The following AIM2 variants were observed in gnomAD, a reference collection of about 807,000 sequenced individuals.
The protein encoded by AIM2 is absent in melanoma 2.
AIM2 carries 30 observed loss-of-function variants against 27.7 expected under a neutral mutation model. The observed-to-expected ratio is 1.08, with a 90% CI of 0.81 to 1.47. The LOEUF is 1.47. AIM2 is among the 40% of genes most tolerant of loss of function. The pLI is 0.00. For missense variants in AIM2, 358 were observed against 411.3 expected (o/e 0.87, Z 1.12); for synonymous variants, 141 against 145.3 (o/e 0.97, Z 0.21).
At chr1:159,078,174 C>A (rs974370306), upstream of AIM2, among the ~76,000 whole-genome samples, 2 of 152,186 alleles carry the variant, frequency 1.3e-5, no homozygotes, top group African/African-American at 4.8e-5. Context: ...CCCACATTAT[C>A]TTTTCCCACA....
chr1:159,138,891 T>C (rs3026921), intron 1 of AIM2, among the ~76,000 whole-genome samples: 19,009 of 152,270 alleles, frequency 0.12, 1,608 homozygotes, highest in South Asian at 0.31. Flanking sequence ...ATTTGAGTCC[T>C]ACAGTGAAGT....
chr1:159,131,339 T>C (rs1052945669), intron 1 of AIM2, among the ~76,000 whole-genome samples: 2 of 152,174 alleles, frequency 1.3e-5, no homozygotes, highest in African/African-American at 2.4e-5. Flanking sequence ...ATGACTGAAT[T>C]TGTGCATATA....
intron 1 of AIM2, among the ~76,000 whole-genome samples, chr1:159,102,429 C>G (rs920767061): frequency 6.6e-6 from 1 of 152,254 alleles, no homozygotes; most frequent in African/African-American, 2.4e-5. Context: ...AGAGTCCCTA[C>G]TGGGGCACTG....
intron 2 of AIM2, among the ~76,000 whole-genome samples, chr1:159,069,352 T>C (rs1405693772): frequency 6.6e-6 from 1 of 152,110 alleles, no homozygotes; most frequent in Non-Finnish European, 1.5e-5. Context: ...AGGCTTATAA[T>C]GTACATAAAT....
intron 1 of AIM2, among the ~76,000 whole-genome samples, chr1:159,093,412 T>C (rs185160590): frequency 3.3e-5 from 5 of 152,180 alleles, no homozygotes; most frequent in African/African-American, 7.2e-5. Context: ...GCTGGTAGCA[T>C]AGGGAGATAC....
At chr1:159,064,055 G>A (rs1305874040) in intron 4 of AIM2, among the ~76,000 whole-genome samples, 1 of 152,140 alleles carries the variant, frequency 6.6e-6, no homozygotes, top group East Asian at 1.9e-4. Flanking sequence ...TATGTGTTAA[G>A]TGACTGCTTA....
chr1:159,058,598 G>A (rs1464536744), downstream of AIM2, among the ~76,000 whole-genome samples: 2 of 152,024 alleles, frequency 1.3e-5, no homozygotes, highest in African/African-American at 4.8e-5. Flanking sequence ...CGGGGGTGGG[G>A]GCATGATTTC....
chr1:159,134,792 A>G (rs1647983438), intron 1 of AIM2, among the ~76,000 whole-genome samples: 2 of 152,278 alleles, frequency 1.3e-5, no homozygotes, highest in African/African-American at 4.8e-5. Flanking sequence ...AGATCGCGAC[A>G]TTGCACTCCA....
intron 1 of AIM2, among the ~76,000 whole-genome samples, chr1:159,105,479 C>T (rs1274222029): frequency 2.0e-5 from 3 of 152,178 alleles, no homozygotes; most frequent in African/African-American, 7.2e-5. Flanking sequence ...GTCCTGAATT[C>T]TTGCCCCATG....
intron 1 of AIM2, among the ~76,000 whole-genome samples, chr1:159,104,876 G>A (rs1657396717): frequency 6.6e-6 from 1 of 152,192 alleles, no homozygotes; most frequent in Non-Finnish European, 1.5e-5. Flanking sequence ...CGAAAAATGG[G>A]CCAATAATAA....
downstream of AIM2, among the ~76,000 whole-genome samples, chr1:159,059,250 T>TACAC (rs60746494): frequency 1.3e-5 from 2 of 151,626 alleles, no homozygotes; most frequent in African/African-American, 4.8e-5. Context: ...GCTATTCTTA[T>TACAC]ACACACACAC....
At chr1:159,059,649 T>C (rs1450257474), downstream of AIM2, among the ~76,000 whole-genome samples, 2 of 152,206 alleles carry the variant, frequency 1.3e-5, no homozygotes, top group Non-Finnish European at 2.9e-5. Flanking sequence ...TTGAGTACCC[T>C]GGATGATGGT....
intron 1 of AIM2, among the ~76,000 whole-genome samples, chr1:159,119,807 T>G (rs1288469990): frequency 1.3e-5 from 2 of 152,108 alleles, no homozygotes. Flanking sequence ...TGTGTGTGTG[T>G]GTGTGGGTGT....
At chr1:159,145,999 G>A (rs567944674) in intron 1 of AIM2, among the ~76,000 whole-genome samples, 2 of 151,970 alleles carry the variant, frequency 1.3e-5, no homozygotes, top group East Asian at 1.9e-4. Context: ...CCAGCTACTC[G>A]GGAGGCTGAG....
At chr1:159,137,248 C>T (rs540378146) in intron 1 of AIM2, among the ~76,000 whole-genome samples, 14 of 152,178 alleles carry the variant, frequency 9.2e-5, no homozygotes, top group African/African-American at 2.6e-4. Flanking sequence ...TTGGGGGCCA[C>T]GGTTAGCTGT....
intron 3 of AIM2, 140 bp downstream of exon 3, chr1:159,068,428 G>T (rs1656205154): frequency 8.6e-7 from 1 of 1,157,104 alleles, no homozygotes; most frequent in Non-Finnish European, 1.2e-6. Context: ...CTGTTTTTGT[G>T]ACTCAGAATG....
In AIM2 at chr1:159,129,615, A is replaced by T. The variant is rs1008668042; in HGVS notation, c.-16+10816T>A. 9.9e-5 allele frequency among the ~76,000 whole-genome samples: 15 copies of T among 152,242 alleles called. 1 individual carries two copies. The highest frequency in any genetic ancestry group is 9.2e-4 in the Admixed American group (14 of 15,278). On this transcript the variant is annotated intron_variant, in intron 1 of 2. Transcript: ENST00000368129. ...CTTATCTCAAAAAAACAGGATAACAATAAAAAGTACCTCTGTAGGAGAGGC... is the reference window on the plus strand; with the variant it reads ...CTTATCTCAAAAAAACAGGATAACATTAAAAAGTACCTCTGTAGGAGAGGC...
chr1:159,132,611 C>G (rs1350265649), intron 1 of AIM2, among the ~76,000 whole-genome samples: 1 of 151,996 alleles, frequency 6.6e-6, no homozygotes, highest in African/African-American at 2.4e-5. Context: ...ATCCATATAC[C>G]CTTGCCCTCT....
chr1:159,109,791 C>G (rs150722098), intron 1 of AIM2, among the ~76,000 whole-genome samples: 4 of 151,906 alleles, frequency 2.6e-5, no homozygotes, highest in Non-Finnish European at 4.4e-5. Flanking sequence ...AAATGGCCAA[C>G]AAACATATGA....
Sources: gnomAD v4.1 joint callset for allele counts (sites outside exome capture counted in the v4.1 genomes callset) on GRCh38, gnomAD v4.1.1 for gene constraint, MANE v1.5 for transcripts, NCBI Gene and HGNC (gene_info 2026-07-23, HGNC 2026-07-21) for gene names.